NBAS: variants seen among roughly 807,000 people sequenced by gnomAD.
NBAS encodes the protein NBAS subunit of NRZ tethering complex, also known as NAG/BC035112 fusion.
Under a neutral mutation model 302.5 loss-of-function variants are expected in NBAS, and 219 were observed. That is an observed-to-expected ratio of 0.72 (90% confidence interval 0.65 to 0.81). The LOEUF (loss-of-function observed/expected upper bound fraction) is 0.81, where lower values mean the gene tolerates loss of function less well. Ranked by LOEUF, NBAS falls within the 30% of genes least tolerant of loss-of-function variation. The pLI is 0.00. For synonymous variants in NBAS, 1,118 were observed against 1,021.6 expected (o/e 1.09, Z -1.80); for missense variants, 2,932 against 2,841.6 (o/e 1.03, Z -0.72).
intron 9 of NBAS, among the ~76,000 whole-genome samples, chr2:15,517,805 A>G (rs1456878576): frequency 6.6e-6 from 1 of 152,154 alleles, no homozygotes; most frequent in African/African-American, 2.4e-5. Context: ...ACCTGATCAC[A>G]TTACCCTCAT....
At chr2:15,432,589 C>T (rs1027855929) in intron 21 of NBAS, among the ~76,000 whole-genome samples, 2 of 152,052 alleles carry the variant, frequency 1.3e-5, no homozygotes, top group Non-Finnish European at 2.9e-5. Context: ...TTCTATGCCT[C>T]GGAAACAAAA....
intron 48 of NBAS, among the ~76,000 whole-genome samples, chr2:15,217,123 G>T (rs1410184087): frequency 6.6e-6 from 1 of 152,178 alleles, no homozygotes; most frequent in Admixed American, 6.5e-5. Flanking sequence ...CTATGCCTTC[G>T]TGTCCCTAGC....
At position 15,402,184 on chromosome 2, in the gene NBAS, G is replaced by T. The variant is rs200243407; in HGVS notation, c.3055C>A (p.Pro1019Thr). ...TATTCTTACCCATATCCTCTTTCTG[G>T]CAGACATTCTAGTAGGTCATAGCAA... The part of the protein sequence containing the change: ...CLCYDLLECL[P>T]ERGYGDKTEA... Residue 1019 changes from proline to threonine, a missense_variant, in exon 26 of 52, where the codon CCA (proline) becomes ACA (threonine). Transcript: ENST00000281513. 55 of 1,613,388 alleles carry T rather than the reference G, an allele frequency of 3.4e-5. No individual in the cohort carries two copies. Among genetic ancestry groups the T allele is most frequent in the Non-Finnish European group, 9.3e-6 (11 of 1,179,580 alleles).
At chr2:15,412,923 C>A (rs939381447) in intron 25 of NBAS, among the ~76,000 whole-genome samples, 1 of 152,158 alleles carries the variant, frequency 6.6e-6, no homozygotes, top group Non-Finnish European at 1.5e-5. Flanking sequence ...CTATCCCAAG[C>A]CCAATCCAAA....
Position 15,186,764 on chromosome 2 carries a change from G to T in NBAS, c.6689C>A (p.Thr2230Asn), listed in dbSNP as rs1437451844. Reference protein sequence around the residue: ...VLKMCRSLYNTKQMLPAEGVK... With the variant: ...VLKMCRSLYNNKQMLPAEGVK... ...CACCTCTGCAGGCAGCATCTGCTTG[G>T]TGTTATACAAAGAGCGACACATTTT... The change falls in exon 50 of 52, where the codon ACC becomes AAC. Residue 2230 changes from threonine (T) to asparagine (N), a missense_variant. By Grantham distance (65) the Thr-to-Asn change is moderately conservative (BLOSUM62 0). Coordinates refer to ENST00000281513, the MANE Select transcript of NBAS (RefSeq NM_015909.4). The T allele has an allele frequency of 6.2e-7, 1 of 1,613,586 alleles. No homozygotes were observed. Among genetic ancestry groups the T allele is most frequent in the African/African-American group, 1.3e-5 (1 of 74,792 alleles).
chr2:15,485,562 G>C lies in NBAS; in HGVS notation c.1083+3332C>G, dbSNP rs975645092. The stretch of plus-strand genomic sequence containing the variant: ...CAAATCTCAGCTCTATTGCTTACTT[G>C]TTGCACAACCATAGGACAAAGTGCT... On this transcript the variant is annotated intron_variant, in intron 12 of 51. Transcript: ENST00000281513. Among the ~76,000 whole-genome samples the C allele has an allele frequency of 5.3e-5, 8 of 152,208 alleles. No homozygotes were observed. The East Asian group carries it at 9.6e-4, about 18-fold the overall frequency.
the NBAS span, among the ~76,000 whole-genome samples, chr2:14,886,464 G>A: frequency 6.6e-6 from 1 of 152,152 alleles, no homozygotes; most frequent in Admixed American, 6.5e-5. Flanking sequence ...CTCTATCAGA[G>A]CCTTTAAAAT....
intron 51 of NBAS, among the ~76,000 whole-genome samples, chr2:15,171,804 G>A (rs1325204541): frequency 6.6e-6 from 1 of 152,198 alleles, no homozygotes; most frequent in African/African-American, 2.4e-5. Context: ...CTTACAAGAA[G>A]AGAAGACAGG....
chr2:14,946,571 T>C, the NBAS span, among the ~76,000 whole-genome samples: 4 of 152,134 alleles, frequency 2.6e-5, no homozygotes, highest in East Asian at 5.8e-4. Flanking sequence ...AAGGGAAAAG[T>C]ATACTGCAAA....
the NBAS span, among the ~76,000 whole-genome samples, chr2:15,067,005 T>C: frequency 7.2e-5 from 11 of 151,842 alleles, no homozygotes; most frequent in Admixed American, 7.2e-4. Context: ...ATGCATACAA[T>C]AGAATATTAT....
the NBAS span, among the ~76,000 whole-genome samples, chr2:14,781,542 A>C: frequency 6.6e-6 from 1 of 152,116 alleles, no homozygotes; most frequent in African/African-American, 2.4e-5. Flanking sequence ...GGCAGAGGAC[A>C]TCATTATTCA....
At chr2:15,465,169 C>T (rs949831602) in intron 19 of NBAS, among the ~76,000 whole-genome samples, 1 of 152,152 alleles carries the variant, frequency 6.6e-6, no homozygotes, top group Non-Finnish European at 1.5e-5. Context: ...ATTTACTGAC[C>T]TCTTCAATGA....
At chr2:15,067,609 T>C in the NBAS span, among the ~76,000 whole-genome samples, 3 of 152,094 alleles carry the variant, frequency 2.0e-5, no homozygotes, top group South Asian at 2.1e-4. Context: ...ATTCCACTTA[T>C]ATAAAGTATC....
At chr2:15,068,571 T>A in the NBAS span, among the ~76,000 whole-genome samples, 1 of 146,840 alleles carries the variant, frequency 6.8e-6, no homozygotes, top group Non-Finnish European at 1.5e-5. Flanking sequence ...AATGTCTTAA[T>A]CATCTTTTGA....
chr2:15,307,644 T>C (rs911442660), intron 40 of NBAS, among the ~76,000 whole-genome samples: 15 of 152,218 alleles, frequency 9.9e-5, no homozygotes, highest in Admixed American at 4.6e-4. Context: ...TGTAATACTC[T>C]TGTGTCCACA....
chr2:14,867,330 G>T, the NBAS span, among the ~76,000 whole-genome samples: 1 of 152,146 alleles, frequency 6.6e-6, no homozygotes, highest in African/African-American at 2.4e-5. Context: ...TAGATTGGTA[G>T]ATTAATTATA....
chr2:15,096,716 G>A, the NBAS span, among the ~76,000 whole-genome samples: 23 of 152,254 alleles, frequency 1.5e-4, no homozygotes, highest in South Asian at 2.1e-3. Context: ...CAAAGGGGCC[G>A]CCTCTGCCTC....
the NBAS span, among the ~76,000 whole-genome samples, chr2:14,845,288 T>C: frequency 6.6e-6 from 1 of 152,312 alleles, no homozygotes; most frequent in East Asian, 1.9e-4. Flanking sequence ...TTCTTCTGCA[T>C]CTTATCCAAG....
At chr2:15,033,076 G>A in the NBAS span, among the ~76,000 whole-genome samples, 1 of 152,180 alleles carries the variant, frequency 6.6e-6, no homozygotes. Context: ...AGAGCTCTGG[G>A]GAAAGGACCA....
Sources: allele counts gnomAD v4.1 joint callset (sites outside exome capture counted in the v4.1 genomes callset), GRCh38; gene constraint gnomAD v4.1.1; transcripts MANE v1.5; gene names NCBI Gene and HGNC (gene_info 2026-07-23, HGNC 2026-07-21).